Variants in CCDC77 observed in about 807,000 individuals in gnomAD.
The protein encoded by CCDC77 is coiled-coil domain containing 77, also known as coiled-coil domain-containing protein 77.
A neutral mutation model predicts 66.8 loss-of-function variants in CCDC77; 56 were observed. That is an observed-to-expected ratio of 0.84 (90% CI 0.68 to 1.05). The LOEUF (loss-of-function observed/expected upper bound fraction) is 1.05, where lower values mean the gene tolerates loss of function less well. Ranked by LOEUF, CCDC77 falls within the 50% of genes least tolerant of loss-of-function variation. The pLI is 0.00. For missense variants in CCDC77, 570 were observed against 576.8 expected (o/e 0.99, Z 0.12); for synonymous variants, 196 against 195.2 (o/e 1.00, Z -0.03).
intron 1 of CCDC77, among the ~76,000 whole-genome samples, chr12:393,974 C>G (rs186220553): frequency 7.2e-5 from 11 of 152,262 alleles, no homozygotes; most frequent in African/African-American, 2.6e-4. Flanking sequence ...AAAAAATTTA[C>G]AAAAATATCA....
intron 12 of CCDC77, 88 bp from the exon 13 acceptor site, chr12:441,686 C>A: frequency 1.4e-6 from 2 of 1,383,686 alleles, no homozygotes; most frequent in South Asian, 2.7e-5. Context: ...CAAAAAGGAG[C>A]TAGCATAGCT....
At position 411,748 on chromosome 12, in the gene CCDC77, C is replaced by T. The variant is rs201758521; in HGVS notation, c.40C>T (p.Arg14Ter). The part of the protein sequence containing the change: ...TPTHTPVCRK[R>*]TVVSKRGVAV... Reference sequence around the variant, plus strand: ...TATATCATTTCTAATTTCACGTAGGCGAACAGTTGTCTCCAAACGTGGTGT... The same window carrying T: ...TATATCATTTCTAATTTCACGTAGGTGAACAGTTGTCTCCAAACGTGGTGT... The change falls in exon 4 of 13, where the codon CGA becomes TGA. Residue 14 changes from arginine to a stop codon, truncating the protein, a stop_gained and splice_region_variant. Coordinates refer to ENST00000239830, the MANE Select transcript of CCDC77 (RefSeq NM_032358.4). LOFTEE classifies it high-confidence loss of function. 5.8e-5 allele frequency: 94 copies of T among 1,610,450 alleles called. No individual in the cohort carries two copies. The highest frequency in any genetic ancestry group is 5.7e-4 in the Admixed American group (34 of 59,336).
intron 1 of CCDC77, among the ~76,000 whole-genome samples, chr12:403,850 G>A (rs1193943193): frequency 1.3e-5 from 2 of 152,196 alleles, no homozygotes; most frequent in Non-Finnish European, 2.9e-5. Context: ...GAGTGCAGTG[G>A]CACGATCACT....
At chr12:436,797 A>G (rs1441007656) in intron 9 of CCDC77, 13 of 981,704 alleles carry the variant, frequency 1.3e-5, no homozygotes, top group Non-Finnish European at 1.6e-5. Flanking sequence ...TAAGAAGGGC[A>G]TGAAATCCAG....
upstream of CCDC77, among the ~76,000 whole-genome samples, chr12:397,240 T>C (rs1238586026): frequency 6.6e-6 from 1 of 152,154 alleles, no homozygotes; most frequent in African/African-American, 2.4e-5. Flanking sequence ...TAGAAGCCTA[T>C]GGTAATAGAC....
intron 5 of CCDC77, among the ~76,000 whole-genome samples, chr12:424,411 C>A (rs1270236200): frequency 6.6e-6 from 1 of 151,358 alleles, no homozygotes; most frequent in Non-Finnish European, 1.5e-5. Flanking sequence ...CTCTGTCGGC[C>A]AGGGTGATCC....
At chr12:436,672 G>T (rs1445583836) in intron 9 of CCDC77, 1 of 550,240 alleles carries the variant, frequency 1.8e-6, no homozygotes, top group Non-Finnish European at 2.3e-6. Flanking sequence ...TTTTAATATT[G>T]TCATAGTAAT....
intron 1 of CCDC77, among the ~76,000 whole-genome samples, chr12:393,299 A>G (rs1944782898): frequency 6.6e-6 from 1 of 151,808 alleles, no homozygotes; most frequent in South Asian, 2.1e-4. Context: ...TTTTTTGTAG[A>G]CATGGGATCT....
intron 9 of CCDC77, chr12:436,616 A>G (rs73043884): frequency 0.016 from 3,230 of 204,900 alleles, 43 homozygotes; most frequent in Middle Eastern, 0.023. Context: ...GCACTTAAGT[A>G]TAGCATCTTG....
upstream of CCDC77, among the ~76,000 whole-genome samples, chr12:400,540 T>C (rs913570664): frequency 6.6e-6 from 1 of 152,066 alleles, no homozygotes; most frequent in African/African-American, 2.4e-5. Context: ...GATTGTTAAT[T>C]GGTCTAATTT....
intron 1 of CCDC77, among the ~76,000 whole-genome samples, chr12:394,920 G>A (rs776516348): frequency 6.6e-6 from 1 of 152,120 alleles, no homozygotes; most frequent in Non-Finnish European, 1.5e-5. Context: ...ACAAAGTATC[G>A]GCTCTCATAC....
intron 5 of CCDC77, among the ~76,000 whole-genome samples, chr12:426,830 A>G (rs780557712): frequency 4.6e-5 from 7 of 152,144 alleles, no homozygotes; most frequent in Non-Finnish European, 7.3e-5. Context: ...CTTCCCCAGT[A>G]TACAGTTACT....
At chr12:433,413 A>G (rs973658385) in intron 9 of CCDC77, 91 bp downstream of exon 9, 6 of 1,536,510 alleles carry the variant, frequency 3.9e-6, no homozygotes, top group East Asian at 2.3e-5. Context: ...ACAGCGGGTC[A>G]TAGAACTAAA....
In CCDC77 at chr12:394,571, T is replaced by C. The variant is rs545400596; in HGVS notation, c.-113+5085T>C. 3.9e-5 allele frequency among the ~76,000 whole-genome samples: 6 copies of C among 152,350 alleles called. No homozygotes were observed. The East Asian group carries it at 1.2e-3, about 29-fold the overall frequency. ...ATTACCACGGTCAATGCTGCTCTTG[T>C]TTAGGCCCTTTCTCTCATACGAATT... On this transcript the variant is annotated intron_variant, in intron 1 of 11. Transcript: ENST00000422000.
At chr12:415,418 T>TAACATA (rs1945223772) in intron 4 of CCDC77, among the ~76,000 whole-genome samples, 1 of 139,626 alleles carries the variant, frequency 7.2e-6, no homozygotes, top group African/African-American at 2.9e-5. Context: ...ATGTTGATAT[T>TAACATA]ATTAACATAA....
At chr12:390,832 T>TA (rs1420761267) in intron 1 of CCDC77, among the ~76,000 whole-genome samples, 4 of 152,138 alleles carry the variant, frequency 2.6e-5, no homozygotes, top group African/African-American at 7.2e-5. Flanking sequence ...TGGCCTCACT[T>TA]ACGTGTCTGG....
chr12:393,714 T>G (rs1944790533), intron 1 of CCDC77, among the ~76,000 whole-genome samples: 1 of 152,154 alleles, frequency 6.6e-6, no homozygotes, highest in Non-Finnish European at 1.5e-5. Context: ...GTATTTTTAG[T>G]AGAGACGGAG....
intron 5 of CCDC77, among the ~76,000 whole-genome samples, chr12:428,463 A>ATC (rs1460091527): frequency 1.4e-5 from 2 of 140,442 alleles, no homozygotes; most frequent in Admixed American, 7.8e-5. Flanking sequence ...GTGAGCCAAG[A>ATC]CCGCACCATT....
intron 1 of CCDC77, among the ~76,000 whole-genome samples, chr12:390,999 T>G (rs908362532): frequency 1.3e-5 from 2 of 152,190 alleles, no homozygotes; most frequent in African/African-American, 4.8e-5. Flanking sequence ...ATGTACAAGA[T>G]CACTCCATCA....
Sources: allele counts gnomAD v4.1 joint callset (sites outside exome capture counted in the v4.1 genomes callset), GRCh38; gene constraint gnomAD v4.1.1; transcripts MANE v1.5; gene names NCBI Gene and HGNC (gene_info 2026-07-23, HGNC 2026-07-21).